PDE6D: variants seen among roughly 807,000 people sequenced by gnomAD.
PDE6D encodes the protein retinal rod rhodopsin-sensitive cGMP 3',5'-cyclic phosphodiesterase subunit delta.
In PDE6D, 10 loss-of-function variants were observed where a neutral mutation model predicts 21.9. The ratio of observed to expected loss-of-function variants is 0.46; its 90% CI spans 0.28 to 0.78. The LOEUF is 0.78. PDE6D is among the 30% of genes least tolerant of loss of function. The probability of loss-of-function intolerance (pLI) is 0.12; values close to 1 mark genes in which losing one functional copy is unlikely to be tolerated. For missense variants in PDE6D, 139 were observed against 184.8 expected (o/e 0.75, Z 1.44); for synonymous variants, 59 against 63.5 (o/e 0.93, Z 0.34).
At chr2:231,733,498 C>A (rs181867527) in intron 4 of PDE6D, among the ~76,000 whole-genome samples, 2 of 152,274 alleles carry the variant, frequency 1.3e-5, no homozygotes, top group Admixed American at 1.3e-4. Context: ...GGTAACAGCA[C>A]CTTGCTCTTC....
intron 4 of PDE6D, among the ~76,000 whole-genome samples, chr2:231,734,858 C>CAAA (rs113833054): frequency 0.011 from 1,184 of 107,054 alleles, 12 homozygotes; most frequent in African/African-American, 0.037. Context: ...AAAAAAAAAA[C>CAAA]AAAAAAAAAA....
At chr2:231,756,787 C>T (rs2048886035) in intron 1 of PDE6D, among the ~76,000 whole-genome samples, 1 of 150,806 alleles carries the variant, frequency 6.6e-6, no homozygotes, top group African/African-American at 2.4e-5. Flanking sequence ...ACTCCAGCCA[C>T]AGGTTGCAAT....
chr2:231,772,001 G>A (rs970257171), intron 1 of PDE6D, among the ~76,000 whole-genome samples: 1 of 152,256 alleles, frequency 6.6e-6, no homozygotes, highest in South Asian at 2.1e-4. Flanking sequence ...TCTGGAAAAT[G>A]TCTTTTTTCA....
intron 4 of PDE6D, among the ~76,000 whole-genome samples, chr2:231,734,043 CT>C (rs764443518): frequency 3.2e-4 from 49 of 151,738 alleles, no homozygotes; most frequent in Admixed American, 1.3e-4. Flanking sequence ...GAAACCCTGT[CT>C]CTACTAAAAA....
chr2:231,768,900 C>T (rs1231754566), intron 1 of PDE6D, among the ~76,000 whole-genome samples: 1 of 152,080 alleles, frequency 6.6e-6, no homozygotes, highest in Non-Finnish European at 1.5e-5. Context: ...GGGAGTTTCG[C>T]TCTTGTTGCC....
At chr2:231,733,630 T>C (rs1016167795) in intron 4 of PDE6D, among the ~76,000 whole-genome samples, 2 of 152,290 alleles carry the variant, frequency 1.3e-5, no homozygotes. Flanking sequence ...AGCAAGATCC[T>C]TCCTGTAGCT....
At chr2:231,753,423 C>T (rs961076263) in intron 1 of PDE6D, among the ~76,000 whole-genome samples, 24 of 151,898 alleles carry the variant, frequency 1.6e-4, no homozygotes, top group African/African-American at 4.8e-4. Context: ...TGGCGGCACG[C>T]GCCTGTAGTC....
At chr2:231,776,582 A>AAATGC (rs1444784127) in intron 1 of PDE6D, among the ~76,000 whole-genome samples, 1 of 152,244 alleles carries the variant, frequency 6.6e-6, no homozygotes, top group Admixed American at 6.5e-5. Context: ...GAATTTTAAA[A>AAATGC]AATGCATTGC....
intron 1 of PDE6D, among the ~76,000 whole-genome samples, chr2:231,749,491 C>T (rs1165010224): frequency 1.3e-5 from 2 of 148,722 alleles, no homozygotes; most frequent in Non-Finnish European, 3.0e-5. Context: ...AAGGCAAAGT[C>T]TCAGATGAGA....
At chr2:231,733,803 A>G (rs1230417664) in intron 4 of PDE6D, among the ~76,000 whole-genome samples, 1 of 152,086 alleles carries the variant, frequency 6.6e-6, no homozygotes, top group Admixed American at 6.5e-5. Flanking sequence ...GTGTGAGGGA[A>G]GAATTTCATT....
At chr2:231,752,956 C>A (rs2048853553) in intron 1 of PDE6D, among the ~76,000 whole-genome samples, 1 of 150,074 alleles carries the variant, frequency 6.7e-6, no homozygotes, top group Non-Finnish European at 1.5e-5. Context: ...CTCAGCATCT[C>A]GAGTAGCTGG....
rs182456604 is a variant in PDE6D, at chr2:231,752,616, T to C, written c.51-13428A>G. Among the ~76,000 whole-genome samples the C allele has an allele frequency of 5.3e-5, 8 of 152,256 alleles. No homozygotes were observed. In the East Asian group the frequency reaches 1.5e-3, roughly 29 times the overall value. On this transcript the variant is annotated intron_variant, in intron 1 of 4. Coordinates refer to ENST00000287600, the MANE Select transcript of PDE6D (RefSeq NM_002601.4). ...ACAACTGAAAGCTTATTTGTATTAA[T>C]TAATGTTTGACTTGAGTTTTATTCA...
intron 1 of PDE6D, among the ~76,000 whole-genome samples, chr2:231,774,519 C>T (rs55754571): frequency 0.26 from 39,037 of 151,994 alleles, 5,245 homozygotes; most frequent in Non-Finnish European, 0.31. Flanking sequence ...TTACTTTCTA[C>T]AGACACTACA....
chr2:231,765,574 A>T (rs1305463916), intron 1 of PDE6D, among the ~76,000 whole-genome samples: 3 of 152,176 alleles, frequency 2.0e-5, no homozygotes, highest in Non-Finnish European at 4.4e-5. Flanking sequence ...GCATATAATG[A>T]TATATGCTAA....
intron 1 of PDE6D, among the ~76,000 whole-genome samples, chr2:231,780,838 A>G (rs947431926): frequency 2.7e-5 from 4 of 150,296 alleles, no homozygotes; most frequent in African/African-American, 9.8e-5. Context: ...TCCACCCGCC[A>G]CCCCCCGGCG....
At chr2:231,757,487 A>G (rs2106276088) in intron 1 of PDE6D, among the ~76,000 whole-genome samples, 1 of 152,036 alleles carries the variant, frequency 6.6e-6, no homozygotes, top group East Asian at 2.0e-4. Flanking sequence ...TAGTAGAGAC[A>G]GGGTTTCACC....
At position 231,741,866 on chromosome 2, in the gene PDE6D, G is replaced by C. The variant is rs1204578040; in HGVS notation, c.51-2678C>G. On this transcript the variant is annotated intron_variant, in intron 1 of 4. Coordinates refer to ENST00000287600, the MANE Select transcript of PDE6D (RefSeq NM_002601.4). ...CCCAATATAATTTACCTGGGAGGAT[G>C]GGGGAACAAGAGTATGTATATCTGG... Among the ~76,000 whole-genome samples, 4 of 152,174 alleles carry C rather than the reference G, an allele frequency of 2.6e-5. No individual in the cohort carries two copies. In the East Asian group the frequency reaches 5.8e-4, roughly 22 times the overall value.
intron 1 of PDE6D, among the ~76,000 whole-genome samples, chr2:231,767,745 A>G (rs1300842072): frequency 6.6e-6 from 1 of 151,838 alleles, no homozygotes. Context: ...AGGCCACCAG[A>G]TTTCTTGAAA....
intron 1 of PDE6D, among the ~76,000 whole-genome samples, chr2:231,740,814 A>G (rs1471055380): frequency 3.3e-5 from 5 of 152,008 alleles, no homozygotes; most frequent in African/African-American, 1.2e-4. Flanking sequence ...GGAGGATGGC[A>G]TCAATAAATT....
Sources: gnomAD v4.1 joint callset for allele counts (sites outside exome capture counted in the v4.1 genomes callset) on GRCh38, gnomAD v4.1.1 for gene constraint, MANE v1.5 for transcripts, NCBI Gene and HGNC (gene_info 2026-07-23, HGNC 2026-07-21) for gene names.